The following KCNJ3 variants were observed in gnomAD, a reference collection of about 807,000 sequenced individuals.
KCNJ3 encodes the protein G protein-activated inward rectifier potassium channel 1.
A neutral mutation model predicts 39.2 loss-of-function variants in KCNJ3; 4 were observed. The observed-to-expected ratio is 0.10, with a 90% CI of 0.05 to 0.23. The LOEUF is 0.23. Ranked by LOEUF, KCNJ3 falls within the 10% of genes least tolerant of loss-of-function variation. The pLI is 1.00. For missense variants in KCNJ3, 276 were observed against 634.9 expected, an observed-to-expected ratio of 0.43 and a Z score of 6.08; for synonymous variants, 230 against 237.4, an observed-to-expected ratio of 0.97 and a Z score of 0.29.
intron 2 of KCNJ3, among the ~76,000 whole-genome samples, chr2:154,840,200 C>A (rs187349964): frequency 2.0e-5 from 3 of 152,122 alleles, no homozygotes; most frequent in South Asian, 2.1e-4. Flanking sequence ...AATAGGGAAT[C>A]CTTCCCCATT....
At chr2:154,769,733 A>G (rs528747157) in intron 2 of KCNJ3, among the ~76,000 whole-genome samples, 7 of 151,788 alleles carry the variant, frequency 4.6e-5, no homozygotes, top group Admixed American at 4.6e-4. Context: ...CTCTTTTTCT[A>G]TTGATTGGAA....
intron 2 of KCNJ3, among the ~76,000 whole-genome samples, chr2:154,759,523 G>T (rs1192743713): frequency 6.6e-6 from 1 of 151,726 alleles, no homozygotes; most frequent in Non-Finnish European, 1.5e-5. Context: ...TATTTGTTTT[G>T]TATTGCTTGA....
intron 2 of KCNJ3, among the ~76,000 whole-genome samples, chr2:154,737,765 A>G (rs1685573820): frequency 6.6e-6 from 1 of 152,176 alleles, no homozygotes; most frequent in South Asian, 2.1e-4. Flanking sequence ...AAAATGAAAC[A>G]CAGAATTTTT....
chr2:154,745,143 A>G (rs1178043505), intron 2 of KCNJ3, among the ~76,000 whole-genome samples: 4 of 152,036 alleles, frequency 2.6e-5, no homozygotes, highest in African/African-American at 9.6e-5. Flanking sequence ...ATGGTCCAGT[A>G]TAGGCCCTAT....
chr2:154,787,745 C>A (rs1433286125), intron 2 of KCNJ3, among the ~76,000 whole-genome samples: 1 of 147,434 alleles, frequency 6.8e-6, no homozygotes, highest in African/African-American at 2.5e-5. Flanking sequence ...ATTTTCAACT[C>A]AAACATTTTT....
At chr2:154,846,322 A>G (rs866022354) in intron 2 of KCNJ3, among the ~76,000 whole-genome samples, 2 of 152,208 alleles carry the variant, frequency 1.3e-5, no homozygotes, top group Admixed American at 6.5e-5. Flanking sequence ...TGATCACTAA[A>G]GAATTATTTA....
intron 2 of KCNJ3, among the ~76,000 whole-genome samples, chr2:154,751,241 C>T (rs1216348902): frequency 6.6e-6 from 1 of 151,670 alleles, no homozygotes. Flanking sequence ...GACTTTTGGC[C>T]TATGTTTTTA....
intron 2 of KCNJ3, among the ~76,000 whole-genome samples, chr2:154,786,065 G>A (rs935594607): frequency 2.0e-5 from 3 of 152,170 alleles, no homozygotes; most frequent in Non-Finnish European, 4.4e-5. Flanking sequence ...TGTCTTTTAG[G>A]ACTGCTGTGG....
intron 2 of KCNJ3, among the ~76,000 whole-genome samples, chr2:154,738,964 C>T (rs1302073708): frequency 2.6e-5 from 4 of 152,098 alleles, no homozygotes; most frequent in South Asian, 4.1e-4. Context: ...ATCTTAGAAA[C>T]CCACCCAAAG....
intron 2 of KCNJ3, among the ~76,000 whole-genome samples, chr2:154,738,943 T>C (rs1397848413): frequency 7.2e-5 from 11 of 152,058 alleles, no homozygotes; most frequent in Admixed American, 5.2e-4. Context: ...ATGGTGACTA[T>C]ATTAGTAAGT....
chr2:154,746,102 C>A (rs1685736837), intron 2 of KCNJ3, among the ~76,000 whole-genome samples: 1 of 151,870 alleles, frequency 6.6e-6, no homozygotes, highest in South Asian at 2.1e-4. Flanking sequence ...TTTATGATGA[C>A]CCACTTCTAC....
At chr2:154,852,548 G>A (rs760555838) in intron 2 of KCNJ3, among the ~76,000 whole-genome samples, 7 of 151,936 alleles carry the variant, frequency 4.6e-5, no homozygotes, top group Non-Finnish European at 1.0e-4. Context: ...AAAATATAAG[G>A]CACTTCCACA....
chr2:154,785,463 A>G (rs1036781508), intron 2 of KCNJ3, among the ~76,000 whole-genome samples: 2 of 152,154 alleles, frequency 1.3e-5, no homozygotes, highest in African/African-American at 4.8e-5. Flanking sequence ...AACAGTATGA[A>G]GAGGTGGGGC....
chr2:154,748,583 A>G (rs954245833), intron 2 of KCNJ3, among the ~76,000 whole-genome samples: 1 of 152,034 alleles, frequency 6.6e-6, no homozygotes, highest in Non-Finnish European at 1.5e-5. Context: ...AACTCATCCA[A>G]TTGTAAGATA....
intron 2 of KCNJ3, among the ~76,000 whole-genome samples, chr2:154,750,960 T>A (rs1685834322): frequency 6.6e-6 from 1 of 152,002 alleles, no homozygotes; most frequent in Non-Finnish European, 1.5e-5. Context: ...CATATTATCA[T>A]TGTAATAGCA....
chr2:154,805,886 A>G (rs921881087), intron 2 of KCNJ3, among the ~76,000 whole-genome samples: 1 of 152,192 alleles, frequency 6.6e-6, no homozygotes. Flanking sequence ...TTTTATAAAC[A>G]AAATGCAAAA....
chr2:154,753,899 T>A (rs1383921971), intron 2 of KCNJ3, among the ~76,000 whole-genome samples: 1 of 152,162 alleles, frequency 6.6e-6, no homozygotes, highest in African/African-American at 2.4e-5. Context: ...TTAGCAGAGT[T>A]CCCACTTACA....
chr2:154,848,191 T>TTAGA (rs992777257), intron 2 of KCNJ3, among the ~76,000 whole-genome samples: 1 of 152,148 alleles, frequency 6.6e-6, no homozygotes, highest in African/African-American at 2.4e-5. Flanking sequence ...AAGGAAGTCA[T>TTAGA]TAGATAGTAA....
rs558072386 is a variant in KCNJ3 at position 154,731,694 on chromosome 2, G to A, written c.919+21875G>A. Among the ~76,000 whole-genome samples, 391 of 143,490 alleles carry A rather than the reference G, an allele frequency of 2.7e-3. 6 individuals are homozygous for A. The highest frequency in any genetic ancestry group is 0.011 in the South Asian group (51 of 4,496). The allele number at this position is 143,490 out of a possible 152,430, so 94.1% of individuals were successfully genotyped here. On this transcript the variant is annotated intron_variant, in intron 2 of 2. Coordinates refer to ENST00000295101, the MANE Select transcript of KCNJ3 (RefSeq NM_002239.4). ...AATTACCTTTTCAAATAGGTGATAGGTGAACAGATCTTGCTCTGGAAAAAA... is the reference window on the plus strand; with the variant it reads ...AATTACCTTTTCAAATAGGTGATAGATGAACAGATCTTGCTCTGGAAAAAA...
Sources: allele counts gnomAD v4.1 joint callset (sites outside exome capture counted in the v4.1 genomes callset), GRCh38; gene constraint gnomAD v4.1.1; transcripts MANE v1.5; gene names NCBI Gene and HGNC (gene_info 2026-07-23, HGNC 2026-07-21).